FLYWCH1: variants seen among roughly 807,000 people sequenced by gnomAD.
FLYWCH1 encodes the protein FLYWCH-type zinc finger-containing protein 1.
A neutral mutation model predicts 66.4 loss-of-function variants in FLYWCH1; 75 were observed. The ratio of observed to expected loss-of-function variants is 1.13; its 90% CI spans 0.94 to 1.37. The LOEUF is 1.37. Ranked by LOEUF, FLYWCH1 falls within the 40% of genes most tolerant of loss-of-function variation. The pLI, the probability that FLYWCH1 is intolerant of heterozygous loss-of-function variation, is 0.00. For synonymous variants in FLYWCH1, 595 were observed against 429.9 expected (o/e 1.38, Z -4.75); for missense variants, 1,334 against 1,001.8 (o/e 1.33, Z -4.48).
At position 2,934,055 on chromosome 16, in the gene FLYWCH1, G is replaced by C. The variant is rs528040441; in HGVS notation, c.1513+76G>C. 485 of 1,425,884 alleles carry C rather than the reference G, an allele frequency of 3.4e-4. No individual in the cohort carries two copies. The African/African-American group carries it at 5.7e-3, about 17-fold the overall frequency. The allele number at this position is 1,425,884 out of a possible 1,614,324, so 88.3% of individuals were successfully genotyped here. A position where few individuals can be genotyped will look rare whatever the true frequency, so the allele number is the denominator to read the frequency against. Reference sequence around the variant, plus strand: ...CACACTGCCTTTCCCTCTCCATGCTGCGGCTCCCCCTGGCAAACGTCCTCT... The same window carrying C: ...CACACTGCCTTTCCCTCTCCATGCTCCGGCTCCCCCTGGCAAACGTCCTCT... On this transcript the variant is annotated intron_variant, in intron 6 of 9. Coordinates refer to ENST00000253928, the MANE Select transcript of FLYWCH1 (RefSeq NM_001308068.2).
rs1281486921 is a variant in FLYWCH1, at chr16:2,938,264, G to C, written c.1858G>C (p.Glu620Gln). ...GCACGAGTCCTTCCTCTACAGGAAG[G>C]AGAAGGCGGCTGGGGAGAAGGTGTA... is the stretch of plus-strand genomic sequence containing the variant. Reference protein sequence around the residue: ...LVHESFLYRKEKAAGEKVYWM... With the variant: ...LVHESFLYRKQKAAGEKVYWM... Residue 620 changes from glutamate to glutamine, a missense_variant, in exon 8 of 10, where the codon GAG (glutamate) becomes CAG (glutamine). Physicochemically the swap from Glu to Gln is conservative, Grantham distance 29 (BLOSUM62 2). Transcript: ENST00000253928. 3.1e-6 allele frequency: 5 copies of C among 1,613,036 alleles called. No individual in the cohort carries two copies. The highest frequency in any genetic ancestry group is 2.2e-5 in the East Asian group (1 of 44,882).
chr16:2,922,829 A>C lies in FLYWCH1; in HGVS notation c.-73-6784A>C, dbSNP rs2070421352. On this transcript the variant is annotated intron_variant, in intron 2 of 9. Coordinates refer to ENST00000253928, the MANE Select transcript of FLYWCH1 (RefSeq NM_001308068.2). ...CTGGTGCTTGTTGGCTTTAACATCC[A>C]CAGTGAAGACAAGTGTGTTGTCTTC... The C allele has an allele frequency of 5.7e-6, 3 of 523,624 alleles. No individual in the cohort carries two copies. The African/African-American group carries it at 5.8e-5, about 10-fold the overall frequency. 32.4% of individuals were successfully genotyped at this position (523,624 alleles called of 1,614,324 possible). A position where few individuals can be genotyped will look rare whatever the true frequency, so the allele number is the denominator to read the frequency against.
At chr16:2,927,001 C>T (rs888129875) in intron 2 of FLYWCH1, among the ~76,000 whole-genome samples, 4 of 152,166 alleles carry the variant, frequency 2.6e-5, no homozygotes, top group Non-Finnish European at 2.9e-5. Flanking sequence ...CAATATCAGC[C>T]AGTAGAAAAT....
chr16:2,948,647 GT>G, intron 9 of FLYWCH1, 40 bp from the exon 10 acceptor site: 1 of 1,603,814 alleles, frequency 6.2e-7, no homozygotes, highest in South Asian at 1.1e-5. Flanking sequence ...TTTCCACCAT[GT>G]TTTGATGTGT....
intron 9 of FLYWCH1, among the ~76,000 whole-genome samples, chr16:2,944,581 G>C (rs560109630): frequency 2.6e-5 from 4 of 152,188 alleles, no homozygotes; most frequent in African/African-American, 9.6e-5. Flanking sequence ...CCAGCACTTT[G>C]GTAGGCTGAG....
At position 2,929,893 on chromosome 16, in the gene FLYWCH1, A is replaced by T; in HGVS notation, c.208A>T (p.Met70Leu). The T allele has an allele frequency of 6.2e-7, 1 of 1,613,738 alleles. No homozygotes were observed. The highest frequency in any genetic ancestry group is 8.5e-7 in the Non-Finnish European group (1 of 1,179,870). ...AGTGCACTGCGTCCTGTCCCTGGAG[A>T]TGGCTGGCCCCGCCACCCTCGCCAG... ...QEVHCVLSLE[M>L]AGPATLASTL... The change falls in exon 3 of 10, where the codon ATG becomes TTG. Residue 70 changes from methionine to leucine, a missense_variant. By Grantham distance (15) the Met-to-Leu change is conservative. Transcript: ENST00000253928.
In FLYWCH1 at chr16:2,926,336, C is replaced by A. The variant is rs188068076; in HGVS notation, c.-73-3277C>A. Among the ~76,000 whole-genome samples the A allele has an allele frequency of 3.7e-3, 560 of 152,204 alleles. 7 individuals carry two copies. The highest frequency in any genetic ancestry group is 0.013 in the African/African-American group (531 of 41,514). On this transcript the variant is annotated intron_variant, in intron 2 of 9. Coordinates refer to ENST00000253928, the MANE Select transcript of FLYWCH1 (RefSeq NM_001308068.2). Reference sequence around the variant, plus strand: ...CACTTACAGTATGGAATGATTGGGCCATTATTAAAGCAGCTTTAGAACCGT... The same window carrying A: ...CACTTACAGTATGGAATGATTGGGCAATTATTAAAGCAGCTTTAGAACCGT...
intron 4 of FLYWCH1, 84 bp from the exon 5 acceptor site, chr16:2,933,046 G>T (rs2070826436): frequency 6.5e-6 from 8 of 1,233,896 alleles, no homozygotes; most frequent in Middle Eastern, 2.1e-4. Context: ...AAAGGCTCGT[G>T]TCAGCCCCCA....
At chr16:2,934,600 C>T (rs1192399972) in intron 6 of FLYWCH1, 1 of 456,004 alleles carries the variant, frequency 2.2e-6, no homozygotes, top group African/African-American at 2.0e-5. Flanking sequence ...ACCTGCTCTT[C>T]CTTCACGCCC....
At chr16:2,937,799 T>C (rs922037423) in intron 7 of FLYWCH1, among the ~76,000 whole-genome samples, 1 of 145,280 alleles carries the variant, frequency 6.9e-6, no homozygotes, top group African/African-American at 2.6e-5. Flanking sequence ...TTCAGCTTGT[T>C]AAAAGTCAGC....
intron 9 of FLYWCH1, among the ~76,000 whole-genome samples, chr16:2,946,149 T>G (rs2071477492): frequency 6.6e-6 from 1 of 152,130 alleles, no homozygotes; most frequent in Non-Finnish European, 1.5e-5. Context: ...AATTTATTAC[T>G]GAAGAAAGTG....
intron 9 of FLYWCH1, among the ~76,000 whole-genome samples, chr16:2,945,268 A>G (rs918195067): frequency 2.0e-5 from 3 of 151,964 alleles, no homozygotes; most frequent in African/African-American, 7.3e-5. Context: ...CAGGCGGATC[A>G]CGAGGTCAGG....
chr16:2,945,301 C>G (rs539583733), intron 9 of FLYWCH1, among the ~76,000 whole-genome samples: 1 of 151,854 alleles, frequency 6.6e-6, no homozygotes, highest in Admixed American at 6.6e-5. Context: ...TCCGGGCTAA[C>G]ACGGTAAAAT....
chr16:2,918,389 C>T (rs562157278), intron 2 of FLYWCH1, among the ~76,000 whole-genome samples: 31 of 151,822 alleles, frequency 2.0e-4, no homozygotes, highest in African/African-American at 6.0e-4. Flanking sequence ...CCTCGTGATC[C>T]GCCTGCCTTG....
chr16:2,924,622 A>G (rs898952458), intron 2 of FLYWCH1, among the ~76,000 whole-genome samples: 1 of 152,084 alleles, frequency 6.6e-6, no homozygotes, highest in African/African-American at 2.4e-5. Context: ...GAGGCGTGGG[A>G]ATGTGTACCC....
At chr16:2,939,915 C>G (rs532691404) in intron 8 of FLYWCH1, 117 bp from the exon 9 acceptor site, 1 of 1,229,530 alleles carries the variant, frequency 8.1e-7, no homozygotes, top group Admixed American at 2.7e-5. Context: ...TTGCTTCACC[C>G]GGTTGTCTTT....
chr16:2,945,922 G>A (rs533295392), intron 9 of FLYWCH1, among the ~76,000 whole-genome samples: 3 of 152,054 alleles, frequency 2.0e-5, no homozygotes, highest in South Asian at 4.2e-4. Flanking sequence ...GCGTGAACCC[G>A]GGAGGCAGAG....
intron 4 of FLYWCH1, among the ~76,000 whole-genome samples, chr16:2,931,597 G>C (rs1256925624): frequency 6.6e-6 from 1 of 151,756 alleles, no homozygotes; most frequent in African/African-American, 2.4e-5. Flanking sequence ...GCCTGGACAA[G>C]AGACCTGGAC....
chr16:2,931,694 C>A (rs12446084), intron 4 of FLYWCH1, among the ~76,000 whole-genome samples: 8 of 151,834 alleles, frequency 5.3e-5, no homozygotes, highest in Non-Finnish European at 8.8e-5. Context: ...CCTAGGCCTG[C>A]TGCAGTGATT....
Sources: gnomAD v4.1 joint callset for allele counts (sites outside exome capture counted in the v4.1 genomes callset) on GRCh38, gnomAD v4.1.1 for gene constraint, MANE v1.5 for transcripts, NCBI Gene and HGNC (gene_info 2026-07-23, HGNC 2026-07-21) for gene names.